The following MECOM variants were observed in gnomAD, a reference collection of about 807,000 sequenced individuals.
The protein encoded by MECOM is MDS1 and EVI1 complex locus.
MECOM carries 13 observed loss-of-function variants against 116.3 expected under a neutral mutation model. That is an observed-to-expected ratio of 0.11 (90% CI 0.07 to 0.18). The LOEUF (loss-of-function observed/expected upper bound fraction) is 0.18. Among genes scored for constraint, MECOM ranks in the 10% least tolerant of loss-of-function variants. MECOM has a pLI of 1.00. For synonymous variants in MECOM, 528 were observed against 535.2 expected, an observed-to-expected ratio of 0.99 and a Z score of 0.19; for missense variants, 1,299 against 1,509.0, an observed-to-expected ratio of 0.86 and a Z score of 2.31.
intron 5 of MECOM, among the ~76,000 whole-genome samples, chr3:169,126,082 C>T (rs1732721932): frequency 6.6e-6 from 1 of 152,006 alleles, no homozygotes; most frequent in South Asian, 2.1e-4. Flanking sequence ...GCTGGACTAC[C>T]AAAATATAAA....
At chr3:169,418,400 G>A (rs982991982) in intron 1 of MECOM, among the ~76,000 whole-genome samples, 1 of 152,090 alleles carries the variant, frequency 6.6e-6, no homozygotes, top group Non-Finnish European at 1.5e-5. Flanking sequence ...CTCATTTTAC[G>A]AGGCCAGCAT....
chr3:169,542,552 T>G (rs1760218290), intron 1 of MECOM, among the ~76,000 whole-genome samples: 1 of 152,230 alleles, frequency 6.6e-6, no homozygotes, highest in Non-Finnish European at 1.5e-5. Context: ...TGATGGAAAG[T>G]GCTAATTGTT....
chr3:169,523,781 C>G (rs1576708651), intron 1 of MECOM, among the ~76,000 whole-genome samples: 1 of 151,562 alleles, frequency 6.6e-6, no homozygotes, highest in Admixed American at 6.6e-5. Flanking sequence ...CAAGTATATC[C>G]CAAATATTGC....
At position 169,089,052 on chromosome 3, in the gene MECOM, G is replaced by A. The variant is rs1332595088; in HGVS notation, c.3533C>T (p.Ser1178Phe). The change falls in exon 16 of 17, where the codon TCC becomes TTC. Residue 1178 changes from serine to phenylalanine, a missense_variant. Ser to Phe is a radical substitution (Grantham distance 155). Coordinates refer to ENST00000651503, the MANE Select transcript of MECOM (RefSeq NM_004991.4). ...CTGCTTAAGTTCCTCTGGCACATGG[G>A]AAGTACTAAAAGAAGACAGCTCAGC... ...SEAELSSFST[S>F]HVPEELKQPL... is the part of the protein sequence containing the mutation. 2 of 1,607,350 alleles carry A rather than the reference G, an allele frequency of 1.2e-6. No individual in the cohort carries two copies. Among genetic ancestry groups the A allele is most frequent in the African/African-American group, 1.3e-5 (1 of 74,576 alleles).
chr3:169,158,164 G>A (rs931749899), intron 2 of MECOM, among the ~76,000 whole-genome samples: 3 of 152,086 alleles, frequency 2.0e-5, no homozygotes, highest in African/African-American at 4.8e-5. Context: ...TTTTAGCTAC[G>A]TAACTTTTAA....
intron 1 of MECOM, among the ~76,000 whole-genome samples, chr3:169,503,889 C>T (rs1754858813): frequency 6.6e-6 from 1 of 151,964 alleles, no homozygotes; most frequent in African/African-American, 2.4e-5. Flanking sequence ...GTAACATAGA[C>T]CATGGTGCTA....
intron 2 of MECOM, among the ~76,000 whole-genome samples, chr3:169,203,778 G>T (rs1403051565): frequency 6.6e-6 from 1 of 152,154 alleles, no homozygotes; most frequent in East Asian, 1.9e-4. Flanking sequence ...TGCTGTCATT[G>T]CATTCTTAGT....
chr3:169,489,045 AG>A (rs754747353), intron 1 of MECOM, among the ~76,000 whole-genome samples: 1 of 152,146 alleles, frequency 6.6e-6, no homozygotes, highest in Non-Finnish European at 1.5e-5. Flanking sequence ...AGTAATTTAA[AG>A]GGGGAATACA....
rs1736000785 is a variant in MECOM at position 169,402,118 on chromosome 3, A to G, written c.38-20594T>C. On this transcript the variant is annotated intron_variant, in intron 1 of 16. Transcript: ENST00000651503. The stretch of plus-strand genomic sequence containing the variant: ...GATGAAGAATAACAGGGAGAGATTT[A>G]GGAAGTAAAGAGAGTCCAATAAGGG... 3.3e-5 allele frequency among the ~76,000 whole-genome samples: 5 copies of G among 152,332 alleles called. No homozygotes were observed. The South Asian group carries it at 1.0e-3, about 32-fold the overall frequency.
chr3:169,486,052 T>C (rs1450171274), intron 1 of MECOM, among the ~76,000 whole-genome samples: 1 of 136,316 alleles, frequency 7.3e-6, no homozygotes, highest in Non-Finnish European at 1.6e-5. Context: ...TATATATATA[T>C]ACACTATCCC....
chr3:169,654,938 G>A (rs1775359575), intron 1 of MECOM, among the ~76,000 whole-genome samples: 1 of 152,068 alleles, frequency 6.6e-6, no homozygotes, highest in Admixed American at 6.5e-5. Flanking sequence ...AAACTTTGAA[G>A]CACCCTTGGA....
At chr3:169,390,137 G>C (rs1191488454) in intron 1 of MECOM, among the ~76,000 whole-genome samples, 5 of 152,082 alleles carry the variant, frequency 3.3e-5, no homozygotes, top group Non-Finnish European at 7.4e-5. Flanking sequence ...TGGGGTCTCT[G>C]TTTCCCTATC....
chr3:169,526,512 C>T (rs145299165), intron 1 of MECOM, among the ~76,000 whole-genome samples: 2 of 152,154 alleles, frequency 1.3e-5, no homozygotes, highest in Non-Finnish European at 2.9e-5. Context: ...ATCAAAATTT[C>T]AAGTGCTTAA....
chr3:169,254,028 C>T (rs1756562040), intron 2 of MECOM, among the ~76,000 whole-genome samples: 1 of 152,078 alleles, frequency 6.6e-6, no homozygotes. Flanking sequence ...TTAGTTATTT[C>T]TCCTAACAAT....
rs1157733635 is a variant in MECOM at position 169,213,108 on chromosome 3, T to C, written c.376-69276A>G. Among the ~76,000 whole-genome samples, 3 of 151,986 alleles carry C rather than the reference T, an allele frequency of 2.0e-5. No individual in the cohort carries two copies. The East Asian group carries it at 5.8e-4, about 29-fold the overall frequency. ...TTTTAATACTTTTCACTATTTGAAA[T>C]TTACCTATTTATTTACTGACAGAAT... On this transcript the variant is annotated intron_variant, in intron 2 of 16. Coordinates refer to ENST00000651503, the MANE Select transcript of MECOM (RefSeq NM_004991.4).
intron 2 of MECOM, among the ~76,000 whole-genome samples, chr3:169,303,755 C>T (rs896884331): frequency 6.6e-6 from 1 of 152,200 alleles, no homozygotes; most frequent in African/African-American, 2.4e-5. Context: ...CTTTATGCAC[C>T]TCTCTGCCAT....
intron 1 of MECOM, among the ~76,000 whole-genome samples, chr3:169,451,316 T>A (rs1040113255): frequency 6.6e-6 from 1 of 151,230 alleles, no homozygotes; most frequent in Non-Finnish European, 1.5e-5. Flanking sequence ...ATTTAAAAAG[T>A]ATTCTGTAAA....
chr3:169,417,790 A>G (rs1406530315), intron 1 of MECOM, among the ~76,000 whole-genome samples: 1 of 152,160 alleles, frequency 6.6e-6, no homozygotes, highest in South Asian at 2.1e-4. Flanking sequence ...AAAAATGATG[A>G]GTTCATGTCC....
chr3:169,158,910 TGATAACC>T (rs1742409066), intron 2 of MECOM, among the ~76,000 whole-genome samples: 1 of 152,168 alleles, frequency 6.6e-6, no homozygotes, highest in Non-Finnish European at 1.5e-5. Flanking sequence ...GTGGTCCAGG[TGATAACC>T]GAGGTTCATG....
Sources: gnomAD v4.1 joint callset for allele counts (sites outside exome capture counted in the v4.1 genomes callset) on GRCh38, gnomAD v4.1.1 for gene constraint, MANE v1.5 for transcripts, NCBI Gene and HGNC (gene_info 2026-07-23, HGNC 2026-07-21) for gene names.